The following SPAG16 variants were observed in gnomAD, a reference collection of about 807,000 sequenced individuals.
SPAG16 encodes the protein sperm associated antigen 16.
A neutral mutation model predicts 80.4 loss-of-function variants in SPAG16; 86 were observed. That is an observed-to-expected ratio of 1.07 (90% CI 0.90 to 1.28). The LOEUF is 1.28. SPAG16 is among the 50% of genes most tolerant of loss of function. The pLI is 0.00. For synonymous variants in SPAG16, 294 were observed against 265.9 expected, an observed-to-expected ratio of 1.11 and a Z score of -1.03; for missense variants, 870 against 765.3, an observed-to-expected ratio of 1.14 and a Z score of -1.61.
At chr2:213,522,098 C>CT (rs1460792344) in intron 10 of SPAG16, among the ~76,000 whole-genome samples, 1 of 152,160 alleles carries the variant, frequency 6.6e-6, no homozygotes, top group Admixed American at 6.5e-5. Flanking sequence ...GCATTGCTAT[C>CT]TTTTTCCTGT....
At chr2:214,407,378 C>T (rs970090504) in intron 15 of SPAG16, among the ~76,000 whole-genome samples, 1 of 151,994 alleles carries the variant, frequency 6.6e-6, no homozygotes, top group Non-Finnish European at 1.5e-5. Context: ...TTTAATTTCA[C>T]ATTTTTTAAA....
At chr2:214,026,968 C>CTTGTATATCTTTTGACT (rs1249143934) in intron 13 of SPAG16, among the ~76,000 whole-genome samples, 2 of 151,542 alleles carry the variant, frequency 1.3e-5, no homozygotes, top group African/African-American at 2.4e-5. Context: ...CTATCTAAAT[C>CTTGTATATCTTTTGACT]TTGTATATCT....
chr2:214,352,362 T>C (rs913952287), intron 15 of SPAG16, among the ~76,000 whole-genome samples: 7 of 152,316 alleles, frequency 4.6e-5, no homozygotes, highest in African/African-American at 1.7e-4. Context: ...TTTCAGTATA[T>C]TTGAAGGATA....
intron 13 of SPAG16, among the ~76,000 whole-genome samples, chr2:214,084,601 G>A (rs1425202584): frequency 6.6e-6 from 1 of 152,062 alleles, no homozygotes; most frequent in Non-Finnish European, 1.5e-5. Context: ...TTGTATAGAT[G>A]ATAATATATG....
At chr2:213,754,955 C>T (rs1386045760) in intron 10 of SPAG16, among the ~76,000 whole-genome samples, 2 of 152,162 alleles carry the variant, frequency 1.3e-5, no homozygotes, top group Non-Finnish European at 2.9e-5. Context: ...CTTTGCAAAC[C>T]TGTAATTACT....
chr2:213,762,179 TAG>T (rs1323057703), intron 10 of SPAG16, among the ~76,000 whole-genome samples: 20 of 152,182 alleles, frequency 1.3e-4, no homozygotes, highest in African/African-American at 4.3e-4. Context: ...AGCCAAAAGG[TAG>T]ACCAGTGGCT....
intron 10 of SPAG16, among the ~76,000 whole-genome samples, chr2:213,845,396 C>T (rs1317046021): frequency 6.6e-6 from 1 of 151,986 alleles, no homozygotes; most frequent in Non-Finnish European, 1.5e-5. Context: ...CGAGGTTTCA[C>T]CATGTTGGCC....
intron 11 of SPAG16, among the ~76,000 whole-genome samples, chr2:213,875,340 A>G (rs915382151): frequency 6.6e-6 from 1 of 152,118 alleles, no homozygotes; most frequent in African/African-American, 2.4e-5. Flanking sequence ...TTTAGAGTCC[A>G]TCAAAGAGGT....
chr2:213,742,761 C>T (rs539582182), intron 10 of SPAG16, among the ~76,000 whole-genome samples: 2 of 150,690 alleles, frequency 1.3e-5, no homozygotes, highest in African/African-American at 2.4e-5. Context: ...CCATGTTGGC[C>T]AGGCTGGTCC....
intron 14 of SPAG16, among the ~76,000 whole-genome samples, chr2:214,133,880 A>G (rs1168506614): frequency 1.3e-5 from 2 of 152,110 alleles, no homozygotes; most frequent in African/African-American, 4.8e-5. Context: ...GTTGAAATGG[A>G]AAGTGCAGCA....
rs112268340 is a variant in SPAG16 at position 213,621,896 on chromosome 2, G to A, written c.1070+131806G>A. Among the ~76,000 whole-genome samples, 233 of 152,274 alleles carry A rather than the reference G, an allele frequency of 1.5e-3. 3 individuals are homozygous for A. Among genetic ancestry groups the A allele is most frequent in the African/African-American group, 4.5e-3 (189 of 41,576 alleles). ...ACCTTCTGATGTAGTATGTTTGGGT[G>A]GGAACCAGGACTACATTTTTTAGCA... is the stretch of plus-strand genomic sequence containing the variant. On this transcript the variant is annotated intron_variant, in intron 10 of 15. Coordinates refer to ENST00000331683, the MANE Select transcript of SPAG16 (RefSeq NM_024532.5).
chr2:213,422,699 C>T (rs2069672242), intron 9 of SPAG16, among the ~76,000 whole-genome samples: 1 of 152,236 alleles, frequency 6.6e-6, no homozygotes, highest in South Asian at 2.1e-4. Context: ...ATGCAATTCT[C>T]TAATTTCTGA....
chr2:214,200,535 G>A (rs1576480635), intron 15 of SPAG16, among the ~76,000 whole-genome samples: 1 of 151,976 alleles, frequency 6.6e-6, no homozygotes. Flanking sequence ...AGGGATATTG[G>A]TCTGTAGTTT....
chr2:213,906,093 A>G (rs1431006584), intron 11 of SPAG16, among the ~76,000 whole-genome samples: 5 of 152,118 alleles, frequency 3.3e-5, no homozygotes, highest in African/African-American at 1.2e-4. Context: ...TTGGCCTCTC[A>G]TACTTCAGAG....
intron 12 of SPAG16, among the ~76,000 whole-genome samples, chr2:213,949,446 C>A (rs964512630): frequency 6.6e-6 from 1 of 152,086 alleles, no homozygotes; most frequent in Non-Finnish European, 1.5e-5. Context: ...GGATTACAGG[C>A]ATGAGCCACC....
At chr2:214,229,226 A>G (rs1053657997) in intron 15 of SPAG16, among the ~76,000 whole-genome samples, 8 of 151,944 alleles carry the variant, frequency 5.3e-5, no homozygotes, top group Non-Finnish European at 8.8e-5. Flanking sequence ...CGATGGGCAC[A>G]TAGGAAAAAC....
intron 9 of SPAG16, among the ~76,000 whole-genome samples, chr2:213,380,906 C>T (rs1351754067): frequency 1.3e-5 from 2 of 152,140 alleles, no homozygotes; most frequent in Non-Finnish European, 2.9e-5. Flanking sequence ...ATAAATGGGC[C>T]AGAGTTACCT....
chr2:213,554,069 C>T (rs1055464041), intron 10 of SPAG16, among the ~76,000 whole-genome samples: 1 of 152,158 alleles, frequency 6.6e-6, no homozygotes, highest in African/African-American at 2.4e-5. Context: ...ACCAGTACCA[C>T]CACCACTACA....
chr2:213,477,354 T>A (rs1488798271), intron 9 of SPAG16, among the ~76,000 whole-genome samples: 2 of 152,184 alleles, frequency 1.3e-5, no homozygotes, highest in African/African-American at 4.8e-5. Flanking sequence ...GACCTCAGAA[T>A]GGTAGATCCA....
Sources: allele counts gnomAD v4.1 joint callset (sites outside exome capture counted in the v4.1 genomes callset), GRCh38; gene constraint gnomAD v4.1.1; transcripts MANE v1.5; gene names NCBI Gene and HGNC (gene_info 2026-07-23, HGNC 2026-07-21).